The following PCDHA13 variants were observed in gnomAD, a reference collection of about 807,000 sequenced individuals.
PCDHA13 encodes protocadherin alpha-13.
A neutral mutation model predicts 64.8 loss-of-function variants in PCDHA13; 54 were observed. That is an observed-to-expected ratio of 0.83 (90% CI 0.67 to 1.04). PCDHA13 has a LOEUF of 1.04. PCDHA13 is among the 50% of genes least tolerant of loss of function. The probability of loss-of-function intolerance (pLI) is 0.00; values close to 1 mark genes in which losing one functional copy is unlikely to be tolerated. For synonymous variants in PCDHA13, 587 were observed against 564.4 expected, an observed-to-expected ratio of 1.04 and a Z score of -0.57; for missense variants, 1,248 against 1,254.3, an observed-to-expected ratio of 0.99 and a Z score of 0.08.
chr5:140,969,005 G>A (rs149076230), intron 1 of PCDHA13: 1 of 1,614,168 alleles, frequency 6.2e-7, no homozygotes, highest in Non-Finnish European at 8.5e-7. Flanking sequence ...AGGCTTCTGT[G>A]GAGTAAGGGA....
rs892476136 is a variant in PCDHA13 at position 140,883,395 on chromosome 5, A to G, written c.1127A>G (p.Asp376Gly). ...ATTATTGCCCTAATCAGTGTGTCCG[A>G]TCGTGACTCTGGCTCAAATGGACAG... ...SAIIALISVS[D>G]RDSGSNGQVT... The change falls in exon 1 of 4, where the codon GAT (aspartate) becomes GGT (glycine). Residue 376 changes from aspartate to glycine, a missense_variant. Asp to Gly is a moderately conservative substitution (Grantham distance 94). Transcript: ENST00000289272. The G allele has an allele frequency of 1.2e-6, 2 of 1,614,048 alleles. No homozygotes were observed. The highest frequency in any genetic ancestry group is 1.3e-5 in the African/African-American group (1 of 74,912).
chr5:140,927,624 G>A (rs1554204821), intron 1 of PCDHA13: 3 of 1,614,212 alleles, frequency 1.9e-6, no homozygotes, highest in Non-Finnish European at 2.5e-6. Context: ...AGGTTCCAGA[G>A]ACTGCACCCA....
At chr5:140,918,889 A>C (rs1057244376) in intron 1 of PCDHA13, among the ~76,000 whole-genome samples, 5 of 152,218 alleles carry the variant, frequency 3.3e-5, no homozygotes, top group African/African-American at 4.8e-5. Context: ...GAACAGTGAA[A>C]AATAAATCTC....
rs2096607447 is a variant in PCDHA13, at chr5:140,973,909, C to T, written c.2395-5040C>T. 2.0e-5 allele frequency among the ~76,000 whole-genome samples: 3 copies of T among 152,194 alleles called. 1 individual carries two copies. The highest frequency in any genetic ancestry group is 2.0e-4 in the Admixed American group (3 of 15,280). On this transcript the variant is annotated intron_variant, in intron 1 of 3. Coordinates refer to ENST00000289272, the MANE Select transcript of PCDHA13 (RefSeq NM_018904.3). ...ATTTGCAAATGTTTGAGGAAACATT[C>T]CTGTCACCAAACCCAGAGGTTTAGC...
At chr5:140,962,428 C>G (rs1359949802) in intron 1 of PCDHA13, among the ~76,000 whole-genome samples, 1 of 152,136 alleles carries the variant, frequency 6.6e-6, no homozygotes, top group Non-Finnish European at 1.5e-5. Flanking sequence ...TTTATTGTTA[C>G]TTATCCAAAG....
At chr5:140,984,157 C>G (rs1187103463) in intron 3 of PCDHA13, among the ~76,000 whole-genome samples, 1 of 152,228 alleles carries the variant, frequency 6.6e-6, no homozygotes, top group Non-Finnish European at 1.5e-5. Flanking sequence ...AAGGTGAGAA[C>G]TTCCCAAAGA....
chr5:140,978,794 T>A, intron 1 of PCDHA13, 155 bp from the exon 2 acceptor site: 1 of 978,746 alleles, frequency 1.0e-6, no homozygotes, highest in Non-Finnish European at 1.2e-6. Flanking sequence ...GTGCTATATA[T>A]GTAGATATCA....
At chr5:140,888,436 G>A (rs782695641) in intron 1 of PCDHA13, among the ~76,000 whole-genome samples, 5 of 152,104 alleles carry the variant, frequency 3.3e-5, no homozygotes, top group Non-Finnish European at 7.4e-5. Flanking sequence ...CAGGACAGCC[G>A]CCCAACAATA....
intron 1 of PCDHA13, among the ~76,000 whole-genome samples, chr5:140,972,811 G>A (rs1458279738): frequency 2.6e-5 from 4 of 151,876 alleles, no homozygotes; most frequent in African/African-American, 4.8e-5. Flanking sequence ...TTACAGGCAC[G>A]CGCCACCACG....
chr5:140,933,429 G>A (rs2089147163), intron 1 of PCDHA13, among the ~76,000 whole-genome samples: 1 of 151,830 alleles, frequency 6.6e-6, no homozygotes, highest in South Asian at 2.1e-4. Flanking sequence ...GTTCATAGGG[G>A]CACTCTAATG....
intron 3 of PCDHA13, among the ~76,000 whole-genome samples, chr5:140,982,795 A>G (rs1011948194): frequency 3.3e-5 from 5 of 151,516 alleles, no homozygotes; most frequent in African/African-American, 1.2e-4. Context: ...GCATGTGTGC[A>G]TGTGTGTGTG....
intron 2 of PCDHA13, among the ~76,000 whole-genome samples, chr5:140,980,144 T>C (rs2096877989): frequency 6.6e-6 from 1 of 152,172 alleles, no homozygotes; most frequent in Admixed American, 6.6e-5. Flanking sequence ...GAAACATTCA[T>C]GCATATACCA....
rs191667063 is a variant in PCDHA13 at position 140,957,933 on chromosome 5, T to G, written c.2395-21016T>G. Among the ~76,000 whole-genome samples the G allele has an allele frequency of 2.8e-3, 419 of 152,208 alleles. 2 individuals carry two copies. The highest frequency in any genetic ancestry group is 0.014 in the Middle Eastern group (4 of 294). ...GTTATCTATGTATCAAGCTAAATAA[T>G]TTAAAGATCTTTAAGACTATTAATT... is the stretch of plus-strand genomic sequence containing the variant. On this transcript the variant is annotated intron_variant, in intron 1 of 3. Transcript: ENST00000289272.
intron 1 of PCDHA13, among the ~76,000 whole-genome samples, chr5:140,948,964 T>C (rs2094329348): frequency 6.6e-6 from 1 of 151,790 alleles, no homozygotes; most frequent in Non-Finnish European, 1.5e-5. Context: ...AGCCACGAAT[T>C]TATTAGTATG....
intron 1 of PCDHA13, among the ~76,000 whole-genome samples, chr5:140,931,837 G>A (rs1422066331): frequency 6.6e-6 from 1 of 151,798 alleles, no homozygotes; most frequent in Non-Finnish European, 1.5e-5. Flanking sequence ...TATCCTGAAT[G>A]CCTTAATAAC....
At chr5:140,978,924 GA>G (rs781894146) in intron 1 of PCDHA13, 24 bp from the exon 2 acceptor site, 202 of 1,613,894 alleles carry the variant, frequency 1.3e-4, no homozygotes, top group Middle Eastern at 6.6e-4. Context: ...CATTTTAACA[GA>G]AAACTCTCTT....
intron 3 of PCDHA13, among the ~76,000 whole-genome samples, chr5:141,007,690 C>T (rs2098341020): frequency 6.6e-6 from 1 of 152,224 alleles, no homozygotes; most frequent in Non-Finnish European, 1.5e-5. Flanking sequence ...CCTACTTCCA[C>T]CTCCCTCCTC....
In PCDHA13 at chr5:140,928,040, GC is replaced by G. The variant is rs782389793; in HGVS notation, c.2394+43381del. The G allele has an allele frequency of 2.1e-4, 337 of 1,614,060 alleles. 1 individual carries two copies. Among genetic ancestry groups the G allele is most frequent in the Non-Finnish European group, 2.6e-4 (309 of 1,180,038 alleles). ...GTCATTTGTGGCATGTCTAGTGCAG[GC>G]CCTTTTCAGCTGACGGCTTCCTTTG... is the stretch of plus-strand genomic sequence containing the variant. On this transcript the variant is annotated intron_variant, in intron 1 of 3. Coordinates refer to ENST00000289272, the MANE Select transcript of PCDHA13 (RefSeq NM_018904.3).
At chr5:140,926,538 G>T (rs155362) in intron 1 of PCDHA13, 176,859 of 210,462 alleles carry the variant, frequency 0.84, 75,003 homozygotes, top group African/African-American at 0.96. Context: ...CAGCCAGCGT[G>T]GTGGTCGAGA....
Sources: allele counts gnomAD v4.1 joint callset (sites outside exome capture counted in the v4.1 genomes callset), GRCh38; gene constraint gnomAD v4.1.1; transcripts MANE v1.5; gene names NCBI Gene and HGNC (gene_info 2026-07-23, HGNC 2026-07-21).